CACNB2: variants seen among roughly 807,000 people sequenced by gnomAD.
CACNB2 encodes calcium voltage-gated channel auxiliary subunit beta 2, also known as voltage-dependent L-type calcium channel subunit beta-2.
Under a neutral mutation model 73.3 loss-of-function variants are expected in CACNB2, and 42 were observed. That is an observed-to-expected ratio of 0.57 (90% confidence interval 0.45 to 0.74). The LOEUF (loss-of-function observed/expected upper bound fraction) is 0.74. Among genes scored for constraint, CACNB2 ranks in the 30% least tolerant of loss-of-function variants. CACNB2 has a pLI of 0.00. For synonymous variants in CACNB2, 348 were observed against 310.3 expected, an observed-to-expected ratio of 1.12 and a Z score of -1.28; for missense variants, 940 against 853.0, an observed-to-expected ratio of 1.10 and a Z score of -1.27.
intron 2 of CACNB2, among the ~76,000 whole-genome samples, chr10:18,292,904 G>T (rs890189374): frequency 6.6e-6 from 1 of 151,988 alleles, no homozygotes; most frequent in African/African-American, 2.4e-5. Flanking sequence ...ATGCAACCTC[G>T]ACCATACTCA....
chr10:18,187,821 G>A (rs983220858), intron 2 of CACNB2, among the ~76,000 whole-genome samples: 1 of 152,154 alleles, frequency 6.6e-6, no homozygotes, highest in Non-Finnish European at 1.5e-5. Flanking sequence ...AAGACCGAAC[G>A]ATGCTCTTGT....
At chr10:18,370,987 G>C (rs1460904710) in intron 2 of CACNB2, among the ~76,000 whole-genome samples, 1 of 152,048 alleles carries the variant, frequency 6.6e-6, no homozygotes, top group African/African-American at 2.4e-5. Context: ...AAAGATTCCA[G>C]AAAAAGATAA....
At chr10:18,336,576 G>T (rs1269058828) in intron 2 of CACNB2, among the ~76,000 whole-genome samples, 1 of 151,940 alleles carries the variant, frequency 6.6e-6, no homozygotes, top group African/African-American at 2.4e-5. Context: ...CCAAGATCAT[G>T]CCACTGCACT....
chr10:18,502,689 CAAAAAAAAAAAAAAAAAAAAA>C (rs71200974), intron 5 of CACNB2, among the ~76,000 whole-genome samples: 2 of 73,256 alleles, frequency 2.7e-5, no homozygotes, highest in Non-Finnish European at 4.7e-5. Flanking sequence ...GACTCCATCT[CAAAAAAAAAAAAAAAAAAAAA>C]AAAAAAAAAA....
At chr10:18,432,305 A>G (rs777532206) in intron 3 of CACNB2, among the ~76,000 whole-genome samples, 1 of 152,196 alleles carries the variant, frequency 6.6e-6, no homozygotes, top group Non-Finnish European at 1.5e-5. Flanking sequence ...AAGCTTCTTC[A>G]CAGTCTTTGA....
intron 2 of CACNB2, among the ~76,000 whole-genome samples, chr10:18,233,981 G>C (rs1171506930): frequency 2.6e-5 from 4 of 152,138 alleles, no homozygotes; most frequent in African/African-American, 7.2e-5. Context: ...GCAAACCTAA[G>C]ACTGCAATCC....
At chr10:18,221,907 G>C (rs551322167) in intron 2 of CACNB2, among the ~76,000 whole-genome samples, 7 of 152,228 alleles carry the variant, frequency 4.6e-5, no homozygotes, top group Non-Finnish European at 1.0e-4. Flanking sequence ...AAGTAGCATT[G>C]GCCCAATTGG....
chr10:18,300,302 G>A (rs940337873), intron 2 of CACNB2, among the ~76,000 whole-genome samples: 6 of 152,174 alleles, frequency 3.9e-5, no homozygotes, highest in Non-Finnish European at 7.3e-5. Context: ...GATTATAGGC[G>A]TGAGCCACCA....
At chr10:18,519,831 T>C in intron 9 of CACNB2, 1 of 435,740 alleles carries the variant, frequency 2.3e-6, no homozygotes, top group Non-Finnish European at 4.5e-6. Context: ...AGATCACCCA[T>C]GACCTTCACA....
intron 3 of CACNB2, among the ~76,000 whole-genome samples, chr10:18,428,676 A>T (rs946425309): frequency 2.8e-5 from 3 of 107,488 alleles, no homozygotes; most frequent in Non-Finnish European, 5.6e-5. Context: ...ACAAAGCGAG[A>T]CACTGTCAAA....
At chr10:18,245,242 A>G (rs761204334) in intron 2 of CACNB2, among the ~76,000 whole-genome samples, 2 of 152,288 alleles carry the variant, frequency 1.3e-5, no homozygotes, top group African/African-American at 2.4e-5. Flanking sequence ...AATGTCTTCT[A>G]TGTGTCTTTT....
intron 3 of CACNB2, among the ~76,000 whole-genome samples, chr10:18,490,220 C>CT (rs998246165): frequency 6.6e-6 from 1 of 152,176 alleles, no homozygotes; most frequent in African/African-American, 2.4e-5. Flanking sequence ...TGCCACTCTT[C>CT]TACAAATTGG....
chr10:18,530,529 A>AT (rs2052903765), intron 10 of CACNB2, among the ~76,000 whole-genome samples: 1 of 146,214 alleles, frequency 6.8e-6, no homozygotes, highest in African/African-American at 2.5e-5. Context: ...AAAAAAAAAA[A>AT]TGCAGTTGGG....
chr10:18,352,741 A>C (rs1423833627), intron 2 of CACNB2, among the ~76,000 whole-genome samples: 1 of 152,212 alleles, frequency 6.6e-6, no homozygotes, highest in Non-Finnish European at 1.5e-5. Flanking sequence ...ATAGTATATG[A>C]CATTTTTAAG....
intron 2 of CACNB2, among the ~76,000 whole-genome samples, chr10:18,167,762 C>G (rs1197308394): frequency 6.6e-6 from 1 of 152,140 alleles, no homozygotes; most frequent in Non-Finnish European, 1.5e-5. Context: ...TGCTCATAAT[C>G]TCTATCATCA....
intron 2 of CACNB2, among the ~76,000 whole-genome samples, chr10:18,380,910 G>A (rs1265924119): frequency 6.6e-6 from 1 of 152,086 alleles, no homozygotes; most frequent in African/African-American, 2.4e-5. Context: ...TTTTCACCAT[G>A]CGATCCTCAT....
chr10:18,214,618 C>A (rs143908191), intron 2 of CACNB2, among the ~76,000 whole-genome samples: 5,416 of 16,474 alleles, frequency 0.33, 1,376 homozygotes, highest in African/African-American at 0.42. Context: ...TGGAGTGAGA[C>A]TCCATCTCAA....
chr10:18,491,819 T>TAAAAAAAAA lies in CACNB2; in HGVS notation c.334-6516_334-6508dup, dbSNP rs68179779. Among the ~76,000 whole-genome samples, 8 of 65,598 alleles carry TAAAAAAAAA rather than the reference T, an allele frequency of 1.2e-4. 2 individuals carry two copies. Among genetic ancestry groups the TAAAAAAAAA allele is most frequent in the African/African-American group, 1.5e-4 (3 of 20,054 alleles). The allele number at this position is 65,598 out of a possible 152,430, so 43.0% of individuals were successfully genotyped here. Reference sequence around the variant, plus strand: ...TATTCCCTTGGAACTTCAAGTTGGTTAAAAAAAAAAAAAAAAAAAAAAAAA... The same window carrying TAAAAAAAAA: ...TATTCCCTTGGAACTTCAAGTTGGTTAAAAAAAAAAAAAAAAAAAAAAAAAAAAAAAAAA... On this transcript the variant is annotated intron_variant, in intron 3 of 13. Coordinates refer to ENST00000324631, the MANE Select transcript of CACNB2 (RefSeq NM_201596.3).
Position 18,220,184 on chromosome 10 carries a change from T to TAC in CACNB2, c.213+69211_213+69212dup, listed in dbSNP as rs2035695376. On this transcript the variant is annotated intron_variant, in intron 2 of 13. Coordinates refer to ENST00000324631, the MANE Select transcript of CACNB2 (RefSeq NM_201596.3). Reference sequence around the variant, plus strand: ...ACACACACACACACATACATATATATACATATATATGTGTGTGTATATATA... The same window carrying TAC: ...ACACACACACACACATACATATATATACACATATATATGTGTGTGTATATATA... Among the ~76,000 whole-genome samples the TAC allele has an allele frequency of 2.7e-5, 2 of 74,750 alleles. 1 individual carries two copies. Among genetic ancestry groups the TAC allele is most frequent in the African/African-American group, 1.6e-4 (2 of 12,734 alleles). 49.0% of individuals were successfully genotyped at this position (74,750 alleles called of 152,430 possible).
Sources: gnomAD v4.1 joint callset for allele counts (sites outside exome capture counted in the v4.1 genomes callset) on GRCh38, gnomAD v4.1.1 for gene constraint, MANE v1.5 for transcripts, NCBI Gene and HGNC (gene_info 2026-07-23, HGNC 2026-07-21) for gene names.